SLC8A3: variants seen among roughly 807,000 people sequenced by gnomAD.
SLC8A3 encodes sodium/calcium exchanger 3.
Under a neutral mutation model 65.4 loss-of-function variants are expected in SLC8A3, and 37 were observed. The observed-to-expected ratio is 0.57, with a 90% CI of 0.44 to 0.74. SLC8A3 has a LOEUF of 0.74. Among genes scored for constraint, SLC8A3 ranks in the 30% least tolerant of loss-of-function variants. SLC8A3 has a pLI of 0.00. For missense variants in SLC8A3, 1,112 were observed against 1,172.1 expected, an observed-to-expected ratio of 0.95 and a Z score of 0.75; for synonymous variants, 461 against 444.5, an observed-to-expected ratio of 1.04 and a Z score of -0.47.
chr14:70,070,641 C>T (rs546847022), intron 2 of SLC8A3, among the ~76,000 whole-genome samples: 3 of 152,304 alleles, frequency 2.0e-5, no homozygotes, highest in African/African-American at 7.2e-5. Context: ...TGGGTTTCAA[C>T]TCTACCACAT....
chr14:70,119,042 C>A (rs1168276431), intron 2 of SLC8A3, among the ~76,000 whole-genome samples: 1 of 152,082 alleles, frequency 6.6e-6, no homozygotes, highest in East Asian at 1.9e-4. Flanking sequence ...TGCAAGGACC[C>A]CACAGGACAC....
chr14:70,144,992 G>T (rs1267438329), intron 2 of SLC8A3, among the ~76,000 whole-genome samples: 1 of 152,146 alleles, frequency 6.6e-6, no homozygotes, highest in East Asian at 1.9e-4. Flanking sequence ...GACAGCCCAG[G>T]CACAGTTCTG....
At chr14:70,142,389 C>T (rs1299094472) in intron 2 of SLC8A3, among the ~76,000 whole-genome samples, 1 of 152,162 alleles carries the variant, frequency 6.6e-6, no homozygotes, top group East Asian at 1.9e-4. Flanking sequence ...TTGAAATAGT[C>T]ATCATTTGAT....
intron 2 of SLC8A3, among the ~76,000 whole-genome samples, chr14:70,127,163 G>A (rs1056050009): frequency 6.7e-6 from 1 of 148,596 alleles, no homozygotes; most frequent in Non-Finnish European, 1.5e-5. Context: ...AACTATAAGG[G>A]GGCAGAAAGG....
At chr14:70,071,531 C>G (rs1890013001) in intron 2 of SLC8A3, among the ~76,000 whole-genome samples, 1 of 152,156 alleles carries the variant, frequency 6.6e-6, no homozygotes, top group African/African-American at 2.4e-5. Context: ...TGACAGCCAG[C>G]AAGGAAACGG....
chr14:70,057,294 G>GTAGATAGATAGATAGATAGATAGA (rs3052660), intron 3 of SLC8A3, among the ~76,000 whole-genome samples: 1 of 149,464 alleles, frequency 6.7e-6, no homozygotes, highest in Non-Finnish European at 1.5e-5. Flanking sequence ...AGGCAGATAG[G>GTAGATAGATAGATAGATAGATAGA]TAGATAGATA....
In SLC8A3 at chr14:70,167,381, G is replaced by A. The variant is rs1316468157; in HGVS notation, c.1042C>T (p.Gln348Ter). 2 of 1,614,090 alleles carry A rather than the reference G, an allele frequency of 1.2e-6. No homozygotes were observed. Among genetic ancestry groups the A allele is most frequent in the African/African-American group, 1.3e-5 (1 of 75,024 alleles). ...ATACGGTAGAAGGCACGGCTCTTCT[G>A]TTGGTGGGAAAGAGCATAGTAATTG... ...MANYYALSHQ[Q>*]KSRAFYRIQA... The change falls in exon 2 of 7, where the codon CAG becomes TAG. Residue 348 changes from glutamine to a stop codon, truncating the protein, a stop_gained. Coordinates refer to ENST00000356921, the MANE Select transcript of SLC8A3 (RefSeq NM_182932.3). LOFTEE classifies it high-confidence loss of function.
rs552688400 is a variant in SLC8A3 at position 70,084,049 on chromosome 14, T to G, written c.1785-23110A>C. On this transcript the variant is annotated intron_variant, in intron 2 of 6. Transcript: ENST00000356921. ...ATTGGGAAAAGCACCTTTTTAAGCC[T>G]CTATATTCTCATCTATAAAAGGATG... Among the ~76,000 whole-genome samples, 7 of 152,360 alleles carry G rather than the reference T, an allele frequency of 4.6e-5. No individual in the cohort carries two copies. The East Asian group carries it at 1.3e-3, about 29-fold the overall frequency.
At chr14:70,128,920 C>T (rs752779279) in intron 2 of SLC8A3, among the ~76,000 whole-genome samples, 5 of 152,134 alleles carry the variant, frequency 3.3e-5, no homozygotes, top group East Asian at 1.9e-4. Context: ...ATTATCACCA[C>T]GTTAATTGGC....
chr14:70,134,510 C>T (rs981933677), intron 2 of SLC8A3, among the ~76,000 whole-genome samples: 2 of 152,050 alleles, frequency 1.3e-5, no homozygotes, highest in African/African-American at 2.4e-5. Context: ...GCCTAGACAC[C>T]ACCCTCAAGT....
At chr14:70,086,388 CTTTTTCTTTTTTCTTT>C (rs1380104999) in intron 2 of SLC8A3, among the ~76,000 whole-genome samples, 6 of 135,260 alleles carry the variant, frequency 4.4e-5, no homozygotes, top group East Asian at 2.8e-4. Context: ...TTTCTTTTTT[CTTTTTCTTTTTTCTTT>C]TTTTTTTTTT....
chr14:70,067,195 G>A (rs1024423922), intron 2 of SLC8A3, among the ~76,000 whole-genome samples: 2 of 152,124 alleles, frequency 1.3e-5, no homozygotes, highest in Non-Finnish European at 2.9e-5. Context: ...GCTCTTCACC[G>A]GGGTCTGTGC....
At chr14:70,056,849 G>A (rs1888181001) in intron 3 of SLC8A3, among the ~76,000 whole-genome samples, 1 of 152,226 alleles carries the variant, frequency 6.6e-6, no homozygotes, top group South Asian at 2.1e-4. Context: ...CCTTGAATTT[G>A]TACTTATGCT....
intron 2 of SLC8A3, among the ~76,000 whole-genome samples, chr14:70,117,660 A>G (rs924122006): frequency 6.6e-6 from 1 of 152,068 alleles, no homozygotes; most frequent in Non-Finnish European, 1.5e-5. Context: ...TAGAGAGACT[A>G]CTTCTCCTGG....
chr14:70,101,638 G>T (rs1056268564), intron 2 of SLC8A3, among the ~76,000 whole-genome samples: 1 of 152,164 alleles, frequency 6.6e-6, no homozygotes, highest in African/African-American at 2.4e-5. Flanking sequence ...AGTTGAACTT[G>T]TACCTCTGGC....
intron 2 of SLC8A3, among the ~76,000 whole-genome samples, chr14:70,140,103 A>G (rs1012365908): frequency 3.3e-5 from 5 of 152,202 alleles, no homozygotes; most frequent in Admixed American, 6.5e-5. Flanking sequence ...GTGCTTTAAA[A>G]TGGAAGGGCA....
chr14:70,185,717 C>T (rs1323108319), intron 1 of SLC8A3, among the ~76,000 whole-genome samples: 2 of 152,210 alleles, frequency 1.3e-5, no homozygotes, highest in Non-Finnish European at 2.9e-5. Flanking sequence ...AGTGCTAGGC[C>T]TTGGGGACAC....
chr14:70,077,011 A>G lies in SLC8A3; in HGVS notation c.1785-16072T>C, dbSNP rs546293201. Among the ~76,000 whole-genome samples the G allele has an allele frequency of 1.3e-4, 20 of 152,338 alleles. No individual in the cohort carries two copies. In the South Asian group the frequency reaches 2.3e-3, roughly 17 times the overall value. On this transcript the variant is annotated intron_variant, in intron 2 of 6. Coordinates refer to ENST00000356921, the MANE Select transcript of SLC8A3 (RefSeq NM_182932.3). ...TAAAACCTACCTAACAGGGTTTTTGAGAGGATTAAATGAGATAATGGAACC... is the reference window on the plus strand; with the variant it reads ...TAAAACCTACCTAACAGGGTTTTTGGGAGGATTAAATGAGATAATGGAACC...
intron 3 of SLC8A3, chr14:70,055,937 G>T: frequency 1.3e-6 from 1 of 799,072 alleles, no homozygotes; most frequent in South Asian, 1.8e-5. Flanking sequence ...GAGCTTAGTA[G>T]GTGAGAGCTC....
Sources: gnomAD v4.1 joint callset for allele counts (sites outside exome capture counted in the v4.1 genomes callset) on GRCh38, gnomAD v4.1.1 for gene constraint, MANE v1.5 for transcripts, NCBI Gene and HGNC (gene_info 2026-07-23, HGNC 2026-07-21) for gene names.